The following FAM13B variants were observed in gnomAD, a reference collection of about 807,000 sequenced individuals.
The protein encoded by FAM13B is family with sequence similarity 13 member B, also known as protein FAM13B.
FAM13B carries 60 observed loss-of-function variants against 117.3 expected under a neutral mutation model. The observed-to-expected ratio is 0.51, with a 90% CI of 0.42 to 0.63. The LOEUF is 0.63. Ranked by LOEUF, FAM13B falls within the 30% of genes least tolerant of loss-of-function variation. The probability of loss-of-function intolerance (pLI) is 0.00; values close to 1 mark genes in which losing one functional copy is unlikely to be tolerated. For missense variants in FAM13B, 972 were observed against 1,091.9 expected, an observed-to-expected ratio of 0.89 and a Z score of 1.55; for synonymous variants, 332 against 356.1, an observed-to-expected ratio of 0.93 and a Z score of 0.76.
In FAM13B at chr5:137,943,288, T is replaced by C. The variant is rs564524430; in HGVS notation, c.2341-72A>G. The C allele has an allele frequency of 8.4e-5, 99 of 1,184,744 alleles. No homozygotes were observed. In the South Asian group the frequency reaches 1.3e-3, roughly 15 times the overall value. 73.4% of individuals were successfully genotyped at this position (1,184,744 alleles called of 1,614,324 possible). The stretch of plus-strand genomic sequence containing the variant: ...AGTGTCCAGTGAAGCTTCCCTTCAT[T>C]ATGTTACGAATCTTCAACTTTATTT... On this transcript the variant is annotated intron_variant, in intron 20 of 23. Coordinates refer to ENST00000689681, the MANE Select transcript of FAM13B (RefSeq NM_001385994.1).
intron 1 of FAM13B, among the ~76,000 whole-genome samples, chr5:138,044,775 A>G (rs1791597418): frequency 6.6e-6 from 1 of 152,204 alleles, no homozygotes; most frequent in Non-Finnish European, 1.5e-5. Flanking sequence ...CTGGAAATAA[A>G]TTTTAAATTT....
intron 17 of FAM13B, among the ~76,000 whole-genome samples, chr5:137,949,422 G>C (rs1342604715): frequency 1.3e-5 from 2 of 152,122 alleles, no homozygotes; most frequent in Admixed American, 6.6e-5. Context: ...AGGACTGCTT[G>C]AGCCCAGGAG....
chr5:138,048,219 G>A (rs1461959915), intron 1 of FAM13B, among the ~76,000 whole-genome samples: 2 of 152,168 alleles, frequency 1.3e-5, no homozygotes, highest in Non-Finnish European at 2.9e-5. Context: ...TAAGTTTGTG[G>A]TAATTTGTTA....
At chr5:137,956,070 G>A (rs929101071) in intron 14 of FAM13B, among the ~76,000 whole-genome samples, 3 of 152,080 alleles carry the variant, frequency 2.0e-5, no homozygotes, top group African/African-American at 7.2e-5. Flanking sequence ...AGCTAAGATC[G>A]CTGCTTTAGT....
chr5:138,021,119 T>C lies in FAM13B; in HGVS notation c.-124A>G. 8.1e-7 allele frequency: 1 copy of C among 1,231,688 alleles called. No individual in the cohort carries two copies. The highest frequency in any genetic ancestry group is 1.0e-6 in the Non-Finnish European group (1 of 987,932). The allele number at this position is 1,231,688 out of a possible 1,614,324, so 76.3% of individuals were successfully genotyped here. ...AGCATTCTTTTGTCATTTATGGCTG[T>C]TTGAGATTATGGCAGAAGATCAGCC... On this transcript the variant is annotated 5_prime_UTR_variant, in exon 2 of 24. Coordinates refer to ENST00000689681, the MANE Select transcript of FAM13B (RefSeq NM_001385994.1).
At chr5:137,987,086 G>C (rs945988245) in intron 9 of FAM13B, among the ~76,000 whole-genome samples, 1 of 152,114 alleles carries the variant, frequency 6.6e-6, no homozygotes, top group Non-Finnish European at 1.5e-5. Flanking sequence ...ATGCACTATA[G>C]TGATATCAAT....
At chr5:137,982,072 G>A (rs955625902) in intron 10 of FAM13B, among the ~76,000 whole-genome samples, 1 of 152,194 alleles carries the variant, frequency 6.6e-6, no homozygotes, top group Non-Finnish European at 1.5e-5. Context: ...AGAAGGCACT[G>A]GAAGGTTTTA....
At chr5:138,025,482 T>C (rs188193356) in intron 1 of FAM13B, among the ~76,000 whole-genome samples, 159 of 151,662 alleles carry the variant, frequency 1.0e-3, no homozygotes, top group African/African-American at 3.7e-3. Context: ...TCAGAAACAA[T>C]GCAATTAAAC....
chr5:137,973,980 AATAGG>A (rs1383639831), intron 10 of FAM13B, among the ~76,000 whole-genome samples: 1 of 138,500 alleles, frequency 7.2e-6, no homozygotes, highest in Non-Finnish European at 1.6e-5. Flanking sequence ...GATGTGGAGA[AATAGG>A]AACACTTTTA....
chr5:138,008,811 A>T (rs1783192619), intron 6 of FAM13B, among the ~76,000 whole-genome samples: 1 of 152,240 alleles, frequency 6.6e-6, no homozygotes. Context: ...CAGGTCTATC[A>T]AGCTCACTAG....
intron 10 of FAM13B, among the ~76,000 whole-genome samples, chr5:137,966,488 T>TATAGAGAGAGAG (rs1461425784): frequency 1.5e-3 from 45 of 29,458 alleles, no homozygotes; most frequent in East Asian, 4.5e-3. Context: ...TATATATATA[T>TATAGAGAGAGAG]AGAGAGAGAG....
At chr5:137,997,019 A>G (rs1017416809) in intron 7 of FAM13B, among the ~76,000 whole-genome samples, 1 of 152,264 alleles carries the variant, frequency 6.6e-6, no homozygotes, top group African/African-American at 2.4e-5. Context: ...ATTAAAAATT[A>G]CCTAAACCTC....
chr5:138,018,145 C>T (rs939491947), intron 4 of FAM13B, among the ~76,000 whole-genome samples, 157 bp downstream of exon 4: 11 of 152,124 alleles, frequency 7.2e-5, no homozygotes, highest in African/African-American at 1.9e-4. Context: ...AGTTGCCTTT[C>T]CTATGACAAG....
chr5:138,044,684 G>T (rs1357694154), intron 1 of FAM13B, among the ~76,000 whole-genome samples: 1 of 151,948 alleles, frequency 6.6e-6, no homozygotes, highest in East Asian at 1.9e-4. Context: ...AAAAGTGAAA[G>T]TTCAAGCCAA....
At chr5:137,967,900 T>C (rs947244663) in intron 10 of FAM13B, among the ~76,000 whole-genome samples, 5 of 149,936 alleles carry the variant, frequency 3.3e-5, no homozygotes, top group Non-Finnish European at 4.4e-5. Context: ...TCTCAAAAAA[T>C]AGAATAAAAA....
Position 137,954,255 on chromosome 5 carries a change from T to C in FAM13B, c.1629A>G (p.Ser543=), listed in dbSNP as rs747529581. The C allele has an allele frequency of 2.4e-5, 38 of 1,613,934 alleles. No homozygotes were observed. Among genetic ancestry groups the C allele is most frequent in the South Asian group, 6.6e-5 (6 of 91,082 alleles). The stretch of plus-strand genomic sequence containing the variant: ...TTTGACCAAAATCTAAACTGCGGTG[T>C]GATAATACTGGAGGACAGTCCTCTT... ...PLEEDCPPVL[S]HRSLDFGQSQ... is the part of the protein sequence containing the mutation. The change falls in exon 15 of 24, where the codon TCA becomes TCG. Residue 543 remains serine, a synonymous_variant. Transcript: ENST00000689681.
In FAM13B at chr5:137,954,212, C is replaced by T. The variant is rs780395517; in HGVS notation, c.1672G>A (p.Asp558Asn). ...DFGQSQRFLH[D>N]PEKLDSSSKA... ...GATGAGGAATCCAACTTTTCTGGAT[C>T]ATGTAGGAAACGCTGGCTTTGACCA... Residue 558 changes from aspartate to asparagine, a missense_variant, in exon 15 of 24, where the codon GAT becomes AAT. Transcript: ENST00000689681. 6.2e-7 allele frequency: 1 copy of T among 1,613,876 alleles called. No individual in the cohort carries two copies. The highest frequency in any genetic ancestry group is 8.5e-7 in the Non-Finnish European group (1 of 1,180,018).
chr5:138,024,589 A>AT (rs1787688891), intron 1 of FAM13B, among the ~76,000 whole-genome samples: 1 of 151,254 alleles, frequency 6.6e-6, no homozygotes, highest in Admixed American at 6.6e-5. Context: ...TAAAAAAAAA[A>AT]AAGAAAAAAA....
chr5:138,020,109 G>A, intron 2 of FAM13B: 1 of 585,082 alleles, frequency 1.7e-6, no homozygotes, highest in Non-Finnish European at 2.2e-6. Context: ...TGCCCAGGCT[G>A]GAGTGCAATG....
Sources: gnomAD v4.1 joint callset for allele counts (sites outside exome capture counted in the v4.1 genomes callset) on GRCh38, gnomAD v4.1.1 for gene constraint, MANE v1.5 for transcripts, NCBI Gene and HGNC (gene_info 2026-07-23, HGNC 2026-07-21) for gene names.